CWC27: variants seen among roughly 807,000 people sequenced by gnomAD.
CWC27 encodes CWC27 spliceosome associated cyclophilin, also known as spliceosome-associated protein CWC27 homolog.
In CWC27, 47 loss-of-function variants were observed where a neutral mutation model predicts 63.6. The ratio of observed to expected loss-of-function variants is 0.74; its 90% CI spans 0.58 to 0.94. The LOEUF (loss-of-function observed/expected upper bound fraction) is 0.94, where lower values mean the gene tolerates loss of function less well. Among genes scored for constraint, CWC27 ranks in the 40% least tolerant of loss-of-function variants. The pLI, the probability that CWC27 is intolerant of heterozygous loss-of-function variation, is 0.00. For synonymous variants in CWC27, 175 were observed against 179.8 expected (o/e 0.97, Z 0.22); for missense variants, 495 against 554.3 (o/e 0.89, Z 1.07).
chr5:64,945,344 T>A (rs954383112), intron 11 of CWC27, among the ~76,000 whole-genome samples: 3 of 152,158 alleles, frequency 2.0e-5, no homozygotes, highest in Non-Finnish European at 4.4e-5. Context: ...CTAACACCTA[T>A]AACAGTGTTT....
chr5:65,017,522 T>C (rs1233408131), intron 13 of CWC27, among the ~76,000 whole-genome samples: 2 of 152,212 alleles, frequency 1.3e-5, no homozygotes, highest in African/African-American at 4.8e-5. Context: ...AAGCTTTTGA[T>C]GAAGTAAGAA....
chr5:64,937,134 T>C (rs1010320396), intron 11 of CWC27, among the ~76,000 whole-genome samples: 2 of 152,210 alleles, frequency 1.3e-5, no homozygotes, highest in African/African-American at 4.8e-5. Context: ...TCTTGTCTTC[T>C]GCTAGCTTTT....
At chr5:64,919,585 C>A (rs181946159) in intron 11 of CWC27, among the ~76,000 whole-genome samples, 25 of 152,266 alleles carry the variant, frequency 1.6e-4, no homozygotes, top group African/African-American at 5.3e-4. Flanking sequence ...CTATCTTCCA[C>A]TTATAAGTGG....
At position 64,878,470 on chromosome 5, in the gene CWC27, T is replaced by TAAAAAAAA. The variant is rs397998002; in HGVS notation, c.939-6950_939-6943dup. Among the ~76,000 whole-genome samples the TAAAAAAAA allele has an allele frequency of 5.9e-3, 159 of 26,930 alleles. 41 individuals carry two copies. Among genetic ancestry groups the TAAAAAAAA allele is most frequent in the African/African-American group, 0.017 (139 of 8,180 alleles). The allele number at this position is 26,930 out of a possible 152,430, so 17.7% of individuals were successfully genotyped here. A position where few individuals can be genotyped will look rare whatever the true frequency, so the allele number is the denominator to read the frequency against. ...GTCAGCACTGTCCTGGGTTACAGAT[T>TAAAAAAAA]AAAAAAAAAAAAAAAAAAAAAAAAA... On this transcript the variant is annotated intron_variant, in intron 10 of 13. Coordinates refer to ENST00000381070, the MANE Select transcript of CWC27 (RefSeq NM_005869.4).
intron 10 of CWC27, among the ~76,000 whole-genome samples, chr5:64,876,136 C>T (rs1746788146): frequency 6.6e-6 from 1 of 152,018 alleles, no homozygotes; most frequent in Non-Finnish European, 1.5e-5. Flanking sequence ...TATACATTTT[C>T]AAAATGTGTG....
chr5:64,885,545 A>G lies in CWC27; in HGVS notation c.1041A>G (p.Glu347=). The part of the protein sequence containing the change: ...NAAKQAEKRS[E]EEEAPPDGAV... Reference sequence around the variant, plus strand: ...CAAAACAAGCAGAAAAAAGAAGTGAAGGTAAGGGCATTTATCACGCTTATT... The same window carrying G: ...CAAAACAAGCAGAAAAAAGAAGTGAGGGTAAGGGCATTTATCACGCTTATT... The change falls in exon 11 of 14, where the codon GAA becomes GAG. Residue 347 remains glutamate, a splice_region_variant and synonymous_variant. Coordinates refer to ENST00000381070, the MANE Select transcript of CWC27 (RefSeq NM_005869.4). 1 of 1,592,956 alleles carries G rather than the reference A, an allele frequency of 6.3e-7. No individual in the cohort carries two copies. The highest frequency in any genetic ancestry group is 8.6e-7 in the Non-Finnish European group (1 of 1,168,126).
At chr5:64,906,972 G>T (rs1425937630) in intron 11 of CWC27, among the ~76,000 whole-genome samples, 1 of 152,182 alleles carries the variant, frequency 6.6e-6, no homozygotes, top group Admixed American at 6.5e-5. Context: ...AGATCAGATG[G>T]TTGTAGATGT....
intron 11 of CWC27, among the ~76,000 whole-genome samples, chr5:64,891,569 TTTC>T (rs1409108894): frequency 3.9e-5 from 6 of 152,210 alleles, no homozygotes; most frequent in Admixed American, 2.0e-4. Flanking sequence ...CATAAAGTAC[TTTC>T]TTCTTTTTTA....
At chr5:64,890,159 G>A (rs924677649) in intron 11 of CWC27, among the ~76,000 whole-genome samples, 2 of 152,110 alleles carry the variant, frequency 1.3e-5, no homozygotes, top group African/African-American at 4.8e-5. Context: ...TCTATGACTG[G>A]TGCCAGAAAT....
At chr5:64,978,568 T>G (rs996974169) in intron 13 of CWC27, among the ~76,000 whole-genome samples, 4 of 151,474 alleles carry the variant, frequency 2.6e-5, no homozygotes, top group African/African-American at 9.7e-5. Flanking sequence ...TTTATATGAC[T>G]GGACAGGTTT....
At chr5:64,906,651 C>T (rs1050341160) in intron 11 of CWC27, among the ~76,000 whole-genome samples, 7 of 152,192 alleles carry the variant, frequency 4.6e-5, no homozygotes, top group African/African-American at 1.7e-4. Context: ...GTTTCTTTTG[C>T]TGTGCAGAAG....
In CWC27 at chr5:65,018,455, A is replaced by T. The variant is rs1281747444; in HGVS notation, c.*134A>T. ...AACCTGTTGTCTGGTTTTGAAAAAC[A>T]ATTATCTTGTTTTGCAAATTGTGGA... On this transcript the variant is annotated 3_prime_UTR_variant, in exon 14 of 14. Coordinates refer to ENST00000381070, the MANE Select transcript of CWC27 (RefSeq NM_005869.4). 5 of 775,036 alleles carry T rather than the reference A, an allele frequency of 6.5e-6. No homozygotes were observed. Among genetic ancestry groups the T allele is most frequent in the Non-Finnish European group, 9.6e-6 (5 of 522,222 alleles). The allele number at this position is 775,036 out of a possible 1,614,324, so 48.0% of individuals were successfully genotyped here.
chr5:64,859,725 T>G (rs1746353473), intron 10 of CWC27, among the ~76,000 whole-genome samples: 2 of 152,190 alleles, frequency 1.3e-5, no homozygotes, highest in South Asian at 4.1e-4. Flanking sequence ...GCAGCAGCAT[T>G]CTAGAAGCAG....
intron 10 of CWC27, among the ~76,000 whole-genome samples, chr5:64,817,036 A>G (rs1745054867): frequency 6.6e-6 from 1 of 151,962 alleles, no homozygotes; most frequent in African/African-American, 2.4e-5. Context: ...GGCAAGGGCA[A>G]CCCCTTCACT....
At chr5:64,815,450 G>T (rs1744998664) in intron 10 of CWC27, among the ~76,000 whole-genome samples, 1 of 152,128 alleles carries the variant, frequency 6.6e-6, no homozygotes, top group African/African-American at 2.4e-5. Flanking sequence ...TATTTCACTG[G>T]CCAAAGCAAG....
chr5:64,831,985 T>A (rs1338339278), intron 10 of CWC27, among the ~76,000 whole-genome samples: 2 of 151,928 alleles, frequency 1.3e-5, no homozygotes, highest in Non-Finnish European at 2.9e-5. Flanking sequence ...GGAGGACTAT[T>A]TAATAGCACA....
intron 10 of CWC27, among the ~76,000 whole-genome samples, chr5:64,868,397 A>G (rs1294876275): frequency 1.3e-5 from 2 of 152,246 alleles, no homozygotes; most frequent in East Asian, 3.9e-4. Context: ...GTTTGATCAA[A>G]TGTAAAGTAA....
At chr5:64,905,715 C>T (rs1747621808) in intron 11 of CWC27, among the ~76,000 whole-genome samples, 1 of 152,080 alleles carries the variant, frequency 6.6e-6, no homozygotes, top group African/African-American at 2.4e-5. Context: ...TTCTAGGGTA[C>T]ATGTGCACAA....
At chr5:64,908,084 G>A (rs150699421) in intron 11 of CWC27, among the ~76,000 whole-genome samples, 5,536 of 152,214 alleles carry the variant, frequency 0.036, 354 homozygotes, top group African/African-American at 0.13. Flanking sequence ...GGTACATTGC[G>A]TCTTTGTTCT....
Sources: allele counts gnomAD v4.1 joint callset (sites outside exome capture counted in the v4.1 genomes callset), GRCh38; gene constraint gnomAD v4.1.1; transcripts MANE v1.5; gene names NCBI Gene and HGNC (gene_info 2026-07-23, HGNC 2026-07-21).